HPCAL1: variants seen among roughly 807,000 people sequenced by gnomAD.
HPCAL1 encodes the protein hippocalcin-like protein 1.
Under a neutral mutation model 17.1 loss-of-function variants are expected in HPCAL1, and 8 were observed. The ratio of observed to expected loss-of-function variants is 0.47; its 90% CI spans 0.27 to 0.84. The LOEUF (loss-of-function observed/expected upper bound fraction) is 0.84. HPCAL1 is among the 40% of genes least tolerant of loss of function. The pLI, the probability that HPCAL1 is intolerant of heterozygous loss-of-function variation, is 0.13. For synonymous variants in HPCAL1, 112 were observed against 111.4 expected (o/e 1.01, Z -0.03); for missense variants, 165 against 271.1 (o/e 0.61, Z 2.75).
chr2:10,336,413 G>A (rs1664727021), intron 1 of HPCAL1, among the ~76,000 whole-genome samples: 1 of 152,178 alleles, frequency 6.6e-6, no homozygotes, highest in Admixed American at 6.5e-5. Flanking sequence ...CTATGCCAAT[G>A]TATACATCAT....
chr2:10,377,708 C>T lies in HPCAL1; in HGVS notation c.-110-19127C>T, dbSNP rs999450925. On this transcript the variant is annotated intron_variant, in intron 1 of 4. Coordinates refer to ENST00000307845, the MANE Select transcript of HPCAL1 (RefSeq NM_002149.4). This position sits in a 1 kb window ranked among gnomAD's most constrained non-coding sequence, Gnocchi z 5.9. ...CTGAGGGCAGACCCTGGCCGGGCAC[C>T]AAGATACAAAAGGTTATGAGGGTGT... Among the ~76,000 whole-genome samples the T allele has an allele frequency of 4.6e-5, 7 of 152,154 alleles. 1 individual carries two copies. Among genetic ancestry groups the T allele is most frequent in the South Asian group, 2.1e-4 (1 of 4,808 alleles).
intron 1 of HPCAL1, among the ~76,000 whole-genome samples, chr2:10,332,681 C>G (rs974884168): frequency 6.6e-6 from 1 of 152,092 alleles, no homozygotes; most frequent in East Asian, 1.9e-4. Context: ...ACTCCTAATA[C>G]AGCAAGGAAG....
At chr2:10,372,256 T>C (rs7563637) in intron 1 of HPCAL1, among the ~76,000 whole-genome samples, 70,584 of 151,884 alleles carry the variant, frequency 0.46, 16,858 homozygotes, top group African/African-American at 0.56. Context: ...CTGTGCTGTG[T>C]GGCTAAGGTG....
chr2:10,418,066 AGATT>A (rs919814865), intron 2 of HPCAL1, among the ~76,000 whole-genome samples: 1 of 151,892 alleles, frequency 6.6e-6, no homozygotes, highest in African/African-American at 2.4e-5. Flanking sequence ...ATAGATAGAT[AGATT>A]GATTGATTGA....
chr2:10,348,067 A>G (rs1198817275), intron 1 of HPCAL1, among the ~76,000 whole-genome samples: 1 of 152,182 alleles, frequency 6.6e-6, no homozygotes, highest in African/African-American at 2.4e-5. Flanking sequence ...ATCAAGTTCA[A>G]GGGGGCAGGG....
At chr2:10,312,014 T>C (rs961640510) in intron 1 of HPCAL1, among the ~76,000 whole-genome samples, 1 of 149,742 alleles carries the variant, frequency 6.7e-6, no homozygotes, top group African/African-American at 2.5e-5. Context: ...ATCATCACTG[T>C]TATCGTCACC....
At chr2:10,306,631 T>A (rs1336480197) in intron 1 of HPCAL1, among the ~76,000 whole-genome samples, 1 of 152,158 alleles carries the variant, frequency 6.6e-6, no homozygotes, top group Non-Finnish European at 1.5e-5. Context: ...CAAATCACTT[T>A]CTACAAAGAC....
rs942108376 is a variant in HPCAL1, at chr2:10,394,054, G to A, written c.-110-2781G>A. Among the ~76,000 whole-genome samples the A allele has an allele frequency of 2.6e-5, 4 of 152,020 alleles. No individual in the cohort carries two copies. The highest frequency in any genetic ancestry group is 4.4e-5 in the Non-Finnish European group (3 of 68,016). On this transcript the variant is annotated intron_variant, in intron 1 of 4. Coordinates refer to ENST00000307845, the MANE Select transcript of HPCAL1 (RefSeq NM_002149.4). The surrounding 1 kb of genome is among the most constrained non-coding windows in gnomAD (Gnocchi z 5.0). ...TGCTTGAGCCTGGGAGGTTGAGGCT[G>A]CAGTGAGCTTTGATTGTGCCACTGC...
chr2:10,397,748 G>A (rs1572810483), intron 2 of HPCAL1, among the ~76,000 whole-genome samples: 1 of 147,362 alleles, frequency 6.8e-6, no homozygotes, highest in Non-Finnish European at 1.5e-5. Context: ...AGGAAGGCCT[G>A]GCCATGTCCC....
At position 10,398,525 on chromosome 2, in the gene HPCAL1, G is replaced by A. The variant is rs568131476; in HGVS notation, c.-25+1605G>A. Among the ~76,000 whole-genome samples, 439 of 152,298 alleles carry A rather than the reference G, an allele frequency of 2.9e-3. 5 individuals carry two copies. The highest frequency in any genetic ancestry group is 1.4e-3 in the Non-Finnish European group (92 of 68,024). On this transcript the variant is annotated intron_variant, in intron 2 of 4. Transcript: ENST00000307845. ...GAGGGGTGGAGGGCAGATACCAGTG[G>A]CAGGTTTCATCTGTGGCCCTGGTAG...
intron 1 of HPCAL1, among the ~76,000 whole-genome samples, chr2:10,381,453 C>T (rs1473904496): frequency 2.0e-5 from 3 of 152,144 alleles, no homozygotes; most frequent in Non-Finnish European, 4.4e-5. Flanking sequence ...ATGCGCACTG[C>T]GTGGAGATGT....
intron 1 of HPCAL1, among the ~76,000 whole-genome samples, chr2:10,352,155 A>C (rs1488120522): frequency 2.6e-5 from 4 of 152,216 alleles, no homozygotes; most frequent in East Asian, 1.9e-4. Context: ...CATCTGCCTC[A>C]GTCTCCCAAA....
chr2:10,421,466 C>T (rs943883219), intron 3 of HPCAL1, among the ~76,000 whole-genome samples: 1 of 152,048 alleles, frequency 6.6e-6, no homozygotes, highest in Non-Finnish European at 1.5e-5. Flanking sequence ...TTTGGGTGGC[C>T]GAGGCTGGAG....
At chr2:10,424,079 T>G in intron 4 of HPCAL1, 1 of 181,722 alleles carries the variant, frequency 5.5e-6, no homozygotes, top group Non-Finnish European at 1.2e-5. Context: ...GGCGATAGAG[T>G]GAGACTCCAT....
chr2:10,318,590 A>C (rs1663472139), intron 1 of HPCAL1, among the ~76,000 whole-genome samples: 1 of 152,154 alleles, frequency 6.6e-6, no homozygotes. Context: ...TCCAGCCTCC[A>C]TGTGCAGCCG....
chr2:10,309,733 T>C (rs1453966086), intron 1 of HPCAL1, among the ~76,000 whole-genome samples: 3 of 152,196 alleles, frequency 2.0e-5, no homozygotes, highest in Non-Finnish European at 2.9e-5. Context: ...CTTGGGTGGC[T>C]TGGTGCATTT....
In HPCAL1 at chr2:10,359,682, A is replaced by G. The variant is rs1370788643; in HGVS notation, c.-110-37153A>G. 6.6e-6 allele frequency among the ~76,000 whole-genome samples: 1 copy of G among 152,218 alleles called. No homozygotes were observed. The highest frequency in any genetic ancestry group is 1.9e-4 in the East Asian group (1 of 5,194). On this transcript the variant is annotated intron_variant, in intron 1 of 4. Coordinates refer to ENST00000307845, the MANE Select transcript of HPCAL1 (RefSeq NM_002149.4). This position sits in a 1 kb window ranked among gnomAD's most constrained non-coding sequence, Gnocchi z 4.1. ...CAGTGGCTGGCGGTCCCACCTCCAA[A>G]TGCAGGCAGACCACACTCCCTGAAG...
chr2:10,344,113 A>G lies in HPCAL1; in HGVS notation c.-111+40936A>G, dbSNP rs1442620894. Among the ~76,000 whole-genome samples the G allele has an allele frequency of 6.6e-6, 1 of 152,224 alleles. No individual in the cohort carries two copies. The highest frequency in any genetic ancestry group is 1.5e-5 in the Non-Finnish European group (1 of 68,038). ...AAACAAAACACAACACGAAAAAGCC[A>G]GAACAAAACAAGCAGACGGTTGAGG... is the stretch of plus-strand genomic sequence containing the variant. On this transcript the variant is annotated intron_variant, in intron 1 of 4. Coordinates refer to ENST00000307845, the MANE Select transcript of HPCAL1 (RefSeq NM_002149.4). The surrounding 1 kb of genome is among the most constrained non-coding windows in gnomAD (Gnocchi z 4.9).
At chr2:10,312,434 A>G (rs1663042313) in intron 1 of HPCAL1, among the ~76,000 whole-genome samples, 1 of 150,388 alleles carries the variant, frequency 6.6e-6, no homozygotes, top group Non-Finnish European at 1.5e-5. Context: ...CATCATCATC[A>G]CTATCATCAT....
Sources: allele counts gnomAD v4.1 joint callset (sites outside exome capture counted in the v4.1 genomes callset), GRCh38; gene constraint gnomAD v4.1.1; non-coding constraint Gnocchi (gnomAD v3.1); transcripts MANE v1.5; gene names NCBI Gene and HGNC (gene_info 2026-07-23, HGNC 2026-07-21).